Variants in PLCL1 observed in about 807,000 individuals in gnomAD.
PLCL1 encodes inactive phospholipase C-like protein 1.
PLCL1 carries 41 observed loss-of-function variants against 84.4 expected under a neutral mutation model. The ratio of observed to expected loss-of-function variants is 0.49; its 90% CI spans 0.38 to 0.63. PLCL1 has a LOEUF of 0.63. PLCL1 is among the 30% of genes least tolerant of loss of function. The pLI, the probability that PLCL1 is intolerant of heterozygous loss-of-function variation, is 0.00. For synonymous variants in PLCL1, 490 were observed against 488.3 expected, an observed-to-expected ratio of 1.00 and a Z score of -0.05; for missense variants, 1,206 against 1,367.8, an observed-to-expected ratio of 0.88 and a Z score of 1.87.
intron 1 of PLCL1, among the ~76,000 whole-genome samples, chr2:197,886,411 CAAAAA>C (rs61183744): frequency 5.2e-5 from 4 of 77,084 alleles, no homozygotes; most frequent in Non-Finnish European, 1.1e-4. Flanking sequence ...GACTCTGTCT[CAAAAA>C]AAAAAAAAAA....
At chr2:197,988,816 G>T (rs11891555) in intron 1 of PLCL1, among the ~76,000 whole-genome samples, 109,052 of 152,084 alleles carry the variant, frequency 0.72, 40,046 homozygotes, top group African/African-American at 0.87. Flanking sequence ...TCCATACAGG[G>T]TGTACTAATT....
intron 5 of PLCL1, among the ~76,000 whole-genome samples, chr2:198,115,906 T>C (rs1195339254): frequency 2.0e-5 from 3 of 149,400 alleles, no homozygotes; most frequent in Non-Finnish European, 4.5e-5. Context: ...CCATATCTCA[T>C]ATATAAAAAA....
At chr2:198,086,868 T>TA in intron 2 of PLCL1, among the ~76,000 whole-genome samples, 1 of 152,258 alleles carries the variant, frequency 6.6e-6, no homozygotes, top group African/African-American at 2.4e-5. Context: ...GTGTAATACA[T>TA]AAAAAATTTA....
At chr2:197,861,359 G>A (rs961241101) in intron 1 of PLCL1, among the ~76,000 whole-genome samples, 8 of 152,156 alleles carry the variant, frequency 5.3e-5, no homozygotes, top group African/African-American at 1.9e-4. Flanking sequence ...ACCTAAAGAA[G>A]GCATGGAAGC....
rs763679756 is a variant in PLCL1, at chr2:198,084,254, C to CA, written c.738dup (p.Val247SerfsTer3). The CA allele has an allele frequency of 6.2e-7, 1 of 1,614,098 alleles. No homozygotes were observed. The highest frequency in any genetic ancestry group is 1.7e-5 in the Admixed American group (1 of 60,004). ...ACACCACGGTTCATGTGGTTGAAAACAGTGTTTGAAGCAGCAGATGTTGAT... is the reference window on the plus strand; with the variant it reads ...ACACCACGGTTCATGTGGTTGAAAACAAGTGTTTGAAGCAGCAGATGTTGAT... On this transcript the variant is annotated frameshift_variant, in exon 2 of 6. Coordinates refer to ENST00000428675, the MANE Select transcript of PLCL1 (RefSeq NM_006226.4). LOFTEE classifies it high-confidence loss of function.
chr2:198,115,256 G>C (rs1481888518), intron 5 of PLCL1, among the ~76,000 whole-genome samples: 1 of 151,842 alleles, frequency 6.6e-6, no homozygotes, highest in Non-Finnish European at 1.5e-5. Context: ...GTTTGGCCAA[G>C]TCCAGGTAGT....
chr2:197,829,843 T>C (rs551841389), intron 1 of PLCL1, among the ~76,000 whole-genome samples: 1 of 152,326 alleles, frequency 6.6e-6, no homozygotes, highest in South Asian at 2.1e-4. Context: ...TTTTTTCCCA[T>C]GAGTGACAGT....
chr2:198,081,278 G>T (rs544536662), intron 1 of PLCL1, among the ~76,000 whole-genome samples: 14 of 152,292 alleles, frequency 9.2e-5, no homozygotes, highest in African/African-American at 3.1e-4. Flanking sequence ...GCTCTCATTA[G>T]CTTAAAAGGC....
intron 1 of PLCL1, among the ~76,000 whole-genome samples, chr2:197,823,267 A>C (rs1213862610): frequency 6.6e-6 from 1 of 152,116 alleles, no homozygotes; most frequent in Non-Finnish European, 1.5e-5. Flanking sequence ...AAGTTTCTAG[A>C]ATTAAGTGCT....
chr2:197,872,150 G>C (rs1048859767), intron 1 of PLCL1, among the ~76,000 whole-genome samples: 1 of 152,068 alleles, frequency 6.6e-6, no homozygotes, highest in Admixed American at 6.6e-5. Flanking sequence ...TAATTTGTTA[G>C]TTTTCTCCCC....
chr2:197,833,915 G>A (rs969072158), intron 1 of PLCL1, among the ~76,000 whole-genome samples: 4 of 152,034 alleles, frequency 2.6e-5, no homozygotes, highest in Non-Finnish European at 5.9e-5. Flanking sequence ...ACTTCAAACT[G>A]TACTACAAGG....
intron 1 of PLCL1, among the ~76,000 whole-genome samples, chr2:197,806,711 T>TA (rs1429616161): frequency 3.3e-5 from 5 of 152,170 alleles, no homozygotes; most frequent in Non-Finnish European, 7.3e-5. Context: ...TTTTCAAACT[T>TA]AAAAAACATC....
Position 197,880,755 on chromosome 2 carries a change from A to T in PLCL1, c.240+75416A>T, listed in dbSNP as rs188956508. Reference sequence around the variant, plus strand: ...TGAAGGTTCTTTATAAAGCTCCATTATGGGAAGAATCACCTGGACAGATGT... The same window carrying T: ...TGAAGGTTCTTTATAAAGCTCCATTTTGGGAAGAATCACCTGGACAGATGT... On this transcript the variant is annotated intron_variant, in intron 1 of 5. Coordinates refer to ENST00000428675, the MANE Select transcript of PLCL1 (RefSeq NM_006226.4). Among the ~76,000 whole-genome samples, 510 of 152,308 alleles carry T rather than the reference A, an allele frequency of 3.3e-3. 3 individuals carry two copies. The highest frequency in any genetic ancestry group is 0.012 in the African/African-American group (485 of 41,582).
intron 1 of PLCL1, among the ~76,000 whole-genome samples, chr2:198,057,191 C>T (rs566053201): frequency 2.4e-4 from 36 of 152,102 alleles, no homozygotes; most frequent in Middle Eastern, 3.4e-3. Flanking sequence ...TTAGAGTCCT[C>T]GATGTGATTG....
chr2:197,959,305 CT>C (rs1689561277), intron 1 of PLCL1, among the ~76,000 whole-genome samples: 1 of 151,986 alleles, frequency 6.6e-6, no homozygotes. Flanking sequence ...TGAAATCAGT[CT>C]TCTCCAGAAT....
intron 2 of PLCL1, among the ~76,000 whole-genome samples, chr2:198,086,763 T>A (rs879349855): frequency 6.6e-6 from 1 of 152,206 alleles, no homozygotes; most frequent in Non-Finnish European, 1.5e-5. Flanking sequence ...TGTAGCAAAA[T>A]GCTGTATATT....
chr2:197,873,427 C>T (rs1054434869), intron 1 of PLCL1, among the ~76,000 whole-genome samples: 4 of 152,060 alleles, frequency 2.6e-5, no homozygotes, highest in African/African-American at 9.7e-5. Context: ...CAGGTTCTTA[C>T]ACTTTGTGGC....
chr2:197,975,327 T>G (rs58602986), intron 1 of PLCL1, among the ~76,000 whole-genome samples: 3,101 of 152,206 alleles, frequency 0.02, 94 homozygotes, highest in African/African-American at 0.072. Flanking sequence ...TAAGGTGACA[T>G]GGCTAGTAAA....
chr2:198,142,795 CT>C (rs1694420455), intron 5 of PLCL1, among the ~76,000 whole-genome samples: 1 of 151,566 alleles, frequency 6.6e-6, no homozygotes, highest in South Asian at 2.1e-4. Context: ...AAGCATCCTT[CT>C]CTTTTTTTTT....
Sources: gnomAD v4.1 joint callset for allele counts (sites outside exome capture counted in the v4.1 genomes callset) on GRCh38, gnomAD v4.1.1 for gene constraint, MANE v1.5 for transcripts, NCBI Gene and HGNC (gene_info 2026-07-23, HGNC 2026-07-21) for gene names.